Variants in OR1J4 observed in about 807,000 individuals in gnomAD.
OR1J4 encodes olfactory receptor family 1 subfamily J member 4.
For missense variants in OR1J4, 350 were observed against 371.1 expected (o/e 0.94, Z 0.47); for synonymous variants, 154 against 152.6 (o/e 1.01, Z -0.07).
chr9:122,519,608 CCT>C lies in OR1J4; in HGVS notation c.469_470del (p.Leu157ValfsTer14). On this transcript the variant is annotated frameshift_variant, in exon 1 of 1. Coordinates refer to ENST00000340750, the MANE Select transcript of OR1J4 (RefSeq NM_001004452.1). LOFTEE classifies it low-confidence loss of function (END_TRUNC). ...VSWILSCTNA[L>X]SHTLLLAQLS... ...CCTGGATCCTCTCCTGTACCAATGC[CCT>C]GTCTCACACTCTCCTCCTGGCCCAG... The C allele has an allele frequency of 6.2e-7, 1 of 1,614,042 alleles. No individual in the cohort carries two copies.
At position 122,519,593 on chromosome 9, in the gene OR1J4, C is replaced by G; in HGVS notation, c.453C>G (p.Leu151=). 6.2e-7 allele frequency: 1 copy of G among 1,614,114 alleles called. No homozygotes were observed. Among genetic ancestry groups the G allele is most frequent in the Non-Finnish European group, 8.5e-7 (1 of 1,180,008 alleles). Reference sequence around the variant, plus strand: ...TACTAGTCACTGTGTCCTGGATCCTCTCCTGTACCAATGCCCTGTCTCACA... The same window carrying G: ...TACTAGTCACTGTGTCCTGGATCCTGTCCTGTACCAATGCCCTGTCTCACA... The part of the protein sequence containing the change: ...CNLLVTVSWI[L]SCTNALSHTL... The change falls in exon 1 of 1, where the codon CTC becomes CTG. Residue 151 remains leucine (L), a synonymous_variant. Transcript: ENST00000340750.
In OR1J4 at chr9:122,519,268, T is replaced by G; in HGVS notation, c.128T>G (p.Leu43Arg). The G allele has an allele frequency of 6.2e-7, 1 of 1,614,008 alleles. No individual in the cohort carries two copies. The highest frequency in any genetic ancestry group is 1.1e-5 in the South Asian group (1 of 91,064). Residue 43 changes from leucine to arginine, a missense_variant, in exon 1 of 1, where the codon CTG (leucine) becomes CGG (arginine). Leu to Arg is a moderately radical substitution (Grantham distance 102, BLOSUM62 -2). Transcript: ENST00000340750. ...GMYLITVLGN[L>R]LIILLIRLDS... ...TACCTGATCACGGTGCTGGGGAACC[T>G]GCTCATCATCCTGCTCATCCGGCTG...
chr9:122,519,465 GA>G lies in OR1J4; in HGVS notation c.326del (p.Asp109ValfsTer2). Reference protein sequence around the residue: ...TQMYFFIFFTDLDNFLLTSMA... With the variant: ...TQMYFFIFFTXLDNFLLTSMA... ...GATGTATTTTTTCATATTTTTCACT[GA>G]TCTAGACAATTTCCTTCTCACTTCA... On this transcript the variant is annotated frameshift_variant, in exon 1 of 1. Coordinates refer to ENST00000340750, the MANE Select transcript of OR1J4 (RefSeq NM_001004452.1). LOFTEE classifies it low-confidence loss of function (END_TRUNC). The G allele has an allele frequency of 6.2e-7, 1 of 1,614,034 alleles. No individual in the cohort carries two copies. Among genetic ancestry groups the G allele is most frequent in the Non-Finnish European group, 8.5e-7 (1 of 1,180,006 alleles).
chr9:122,520,058 C>T lies in OR1J4; in HGVS notation c.918C>T (p.Asn306=), dbSNP rs199811884. ...DIKGALERLF[N]RATVLSQ is the part of the protein sequence containing the mutation. ...AGGGAGCCCTGGAGAGACTCTTCAA[C>T]AGGGCAACAGTCTTATCTCAATGAC... Residue 306 remains asparagine, a synonymous_variant, in exon 1 of 1, where the codon AAC becomes AAT. Coordinates refer to ENST00000340750, the MANE Select transcript of OR1J4 (RefSeq NM_001004452.1). The T allele has an allele frequency of 1.2e-5, 19 of 1,612,938 alleles. No homozygotes were observed. The Admixed American group carries it at 3.0e-4, about 25-fold the overall frequency.
Position 122,519,210 on chromosome 9 carries a change from C to T in OR1J4, c.70C>T (p.Gln24Ter), listed in dbSNP as rs953286770. Residue 24 changes from glutamine to a stop codon, truncating the protein, a stop_gained, in exon 1 of 1, where the codon CAG becomes TAG. Coordinates refer to ENST00000340750, the MANE Select transcript of OR1J4 (RefSeq NM_001004452.1). LOFTEE classifies it low-confidence loss of function (END_TRUNC). ...LLDLPIWPEQ[Q>*]AVFFTLFLGM... Reference sequence around the variant, plus strand: ...GGACCTCCCCATCTGGCCAGAGCAGCAGGCTGTGTTCTTCACCCTGTTCTT... The same window carrying T: ...GGACCTCCCCATCTGGCCAGAGCAGTAGGCTGTGTTCTTCACCCTGTTCTT... The T allele has an allele frequency of 1.2e-6, 2 of 1,614,112 alleles. No individual in the cohort carries two copies. Among genetic ancestry groups the T allele is most frequent in the Admixed American group, 3.3e-5 (2 of 60,024 alleles).
Position 122,519,300 on chromosome 9 carries a change from C to A in OR1J4, c.160C>A (p.His54Asn), listed in dbSNP as rs972110172. The change falls in exon 1 of 1, where the codon CAC becomes AAC. Residue 54 changes from histidine to asparagine, a missense_variant. Transcript: ENST00000340750. ...CATCCTGCTCATCCGGCTGGACTCTCACCTTCACACCCCCATGTTCTTCTT... is the reference window on the plus strand; with the variant it reads ...CATCCTGCTCATCCGGCTGGACTCTAACCTTCACACCCCCATGTTCTTCTT... ...LIILLIRLDS[H>N]LHTPMFFFLS... The A allele has an allele frequency of 6.2e-7, 1 of 1,613,984 alleles. No individual in the cohort carries two copies. Among genetic ancestry groups the A allele is most frequent in the Admixed American group, 1.7e-5 (1 of 59,996 alleles).
In OR1J4 at chr9:122,519,753, G is replaced by T. The variant is rs1318752819; in HGVS notation, c.613G>T (p.Ala205Ser). 1.2e-6 allele frequency: 2 copies of T among 1,613,976 alleles called. No individual in the cohort carries two copies. The highest frequency in any genetic ancestry group is 1.7e-6 in the Non-Finnish European group (2 of 1,180,012). ...GCTGGTCATTTTCACAGTGGGACAG[G>T]CAGTCATTACTCTACCACTAATATG... ...NELVIFTVGQAVITLPLICIL... is the reference protein window; with the variant it reads ...NELVIFTVGQSVITLPLICIL... The change falls in exon 1 of 1, where the codon GCA becomes TCA. Residue 205 changes from alanine (A) to serine (S), a missense_variant. Ala to Ser is a moderately conservative substitution (Grantham distance 99). Transcript: ENST00000340750.
chr9:122,520,004 C>G lies in OR1J4; in HGVS notation c.864C>G (p.Phe288Leu), dbSNP rs1246940187. ...YTVITPLLNP[F>L]IYSLRNRDIK... ...TGATCACCCCATTGCTGAATCCCTT[C>G]ATTTATAGCCTAAGGAACAGGGACA... Residue 288 changes from phenylalanine to leucine, a missense_variant, in exon 1 of 1, where the codon TTC becomes TTG. By Grantham distance (22) the Phe-to-Leu change is conservative (BLOSUM62 0). Coordinates refer to ENST00000340750, the MANE Select transcript of OR1J4 (RefSeq NM_001004452.1). 1 of 1,614,074 alleles carries G rather than the reference C, an allele frequency of 6.2e-7. No individual in the cohort carries two copies. The highest frequency in any genetic ancestry group is 1.3e-5 in the African/African-American group (1 of 74,946).
Position 122,519,722 on chromosome 9 carries a change from C to A in OR1J4, c.582C>A (p.Leu194=). ...LLKLSCSDIS[L]NELVIFTVGQ... is the part of the protein sequence containing the mutation. ...AGCTCTCATGCTCAGACATCTCCCT[C>A]AATGAGCTGGTCATTTTCACAGTGG... The change falls in exon 1 of 1, where the codon CTC becomes CTA. Residue 194 remains leucine (L), a synonymous_variant. Transcript: ENST00000340750. The A allele has an allele frequency of 6.2e-7, 1 of 1,614,102 alleles. No homozygotes were observed. Among genetic ancestry groups the A allele is most frequent in the Non-Finnish European group, 8.5e-7 (1 of 1,179,988 alleles).
In OR1J4 at chr9:122,519,952, A is replaced by G; in HGVS notation, c.812A>G (p.Asp271Gly). 1 of 1,614,122 alleles carries G rather than the reference A, an allele frequency of 6.2e-7. No homozygotes were observed. The highest frequency in any genetic ancestry group is 8.5e-7 in the Non-Finnish European group (1 of 1,180,024). The change falls in exon 1 of 1, where the codon GAC becomes GGC. Residue 271 changes from aspartate (D) to glycine (G), a missense_variant. Physicochemically the swap from Asp to Gly is moderately conservative, Grantham distance 94. Coordinates refer to ENST00000340750, the MANE Select transcript of OR1J4 (RefSeq NM_001004452.1). ...TCATCCAGTGCCTCCAGTGACAAGG[A>G]CGTAATTGCCTCTGTGATGTACACG... ...LPSSSASSDK[D>G]VIASVMYTVI... is the part of the protein sequence containing the mutation.
chr9:122,519,692 A>T lies in OR1J4; in HGVS notation c.552A>T (p.Leu184=). The T allele has an allele frequency of 6.2e-7, 1 of 1,613,880 alleles. No homozygotes were observed. The highest frequency in any genetic ancestry group is 1.1e-5 in the South Asian group (1 of 91,054). The change falls in exon 1 of 1, where the codon CTA becomes CTT. Residue 184 remains leucine (L), a synonymous_variant. Coordinates refer to ENST00000340750, the MANE Select transcript of OR1J4 (RefSeq NM_001004452.1). ...ATTTCTTCTGTGATCTTGTTGCCCTACTCAAGCTCTCATGCTCAGACATCT... is the reference window on the plus strand; with the variant it reads ...ATTTCTTCTGTGATCTTGTTGCCCTTCTCAAGCTCTCATGCTCAGACATCT... ...IPHFFCDLVA[L]LKLSCSDISL...
At position 122,519,411 on chromosome 9, in the gene OR1J4, T is replaced by C. The variant is rs763511628; in HGVS notation, c.271T>C (p.Ser91Pro). 7 of 1,614,090 alleles carry C rather than the reference T, an allele frequency of 4.3e-6. No individual in the cohort carries two copies. Among genetic ancestry groups the C allele is most frequent in the Non-Finnish European group, 5.1e-6 (6 of 1,180,044 alleles). ...MLLSMQTQDQ[S>P]ILYAGCVTQM... ...ATTAAGCATGCAAACTCAGGATCAA[T>C]CCATTCTTTATGCAGGGTGTGTAAC... Residue 91 changes from serine (S) to proline (P), a missense_variant, in exon 1 of 1, where the codon TCC becomes CCC. Physicochemically the swap from Ser to Pro is moderately conservative, Grantham distance 74. Transcript: ENST00000340750.
At position 122,519,796 on chromosome 9, in the gene OR1J4, G is replaced by A; in HGVS notation, c.656G>A (p.Gly219Asp). The A allele has an allele frequency of 1.2e-6, 2 of 1,614,114 alleles. No homozygotes were observed. Among genetic ancestry groups the A allele is most frequent in the South Asian group, 1.1e-5 (1 of 91,070 alleles). The change falls in exon 1 of 1, where the codon GGC (glycine) becomes GAC (aspartate). Residue 219 changes from glycine (G) to aspartate (D), a missense_variant. Gly to Asp is a moderately conservative substitution (Grantham distance 94, BLOSUM62 -1). Coordinates refer to ENST00000340750, the MANE Select transcript of OR1J4 (RefSeq NM_001004452.1). ...CTAATATGCATCTTGATCTCTTATG[G>A]CCACATTGGGGTCACCATCCTCAAG... Reference protein sequence around the residue: ...LPLICILISYGHIGVTILKAP... With the variant: ...LPLICILISYDHIGVTILKAP...
chr9:122,519,808 T>A lies in OR1J4; in HGVS notation c.668T>A (p.Val223Asp), dbSNP rs138944681. 1.1e-5 allele frequency: 17 copies of A among 1,614,064 alleles called. No homozygotes were observed. The highest frequency in any genetic ancestry group is 1.4e-5 in the Non-Finnish European group (17 of 1,180,044). ...CILISYGHIG[V>D]TILKAPSTKG... Reference sequence around the variant, plus strand: ...TTGATCTCTTATGGCCACATTGGGGTCACCATCCTCAAGGCTCCATCTACT... The same window carrying A: ...TTGATCTCTTATGGCCACATTGGGGACACCATCCTCAAGGCTCCATCTACT... Residue 223 changes from valine (V) to aspartate (D), a missense_variant, in exon 1 of 1, where the codon GTC (valine) becomes GAC (aspartate). Coordinates refer to ENST00000340750, the MANE Select transcript of OR1J4 (RefSeq NM_001004452.1).
Position 122,519,585 on chromosome 9 carries a change from T to G in OR1J4, c.445T>G (p.Trp149Gly). The change falls in exon 1 of 1, where the codon TGG (tryptophan) becomes GGG (glycine). Residue 149 changes from tryptophan to glycine, a missense_variant. Physicochemically the swap from Trp to Gly is radical, Grantham distance 184. Transcript: ENST00000340750. ...GTGTAACTTACTAGTCACTGTGTCC[T>G]GGATCCTCTCCTGTACCAATGCCCT... ...GLCNLLVTVS[W>G]ILSCTNALSH... 6.2e-7 allele frequency: 1 copy of G among 1,614,190 alleles called. No individual in the cohort carries two copies. The highest frequency in any genetic ancestry group is 8.5e-7 in the Non-Finnish European group (1 of 1,180,022).
At position 122,519,438 on chromosome 9, in the gene OR1J4, C is replaced by T. The variant is rs1828744353; in HGVS notation, c.298C>T (p.Gln100Ter). ...CATTCTTTATGCAGGGTGTGTAACT[C>T]AGATGTATTTTTTCATATTTTTCAC... ...QSILYAGCVT[Q>*]MYFFIFFTDL... Residue 100 changes from glutamine (Q) to a stop codon, truncating the protein, a stop_gained, in exon 1 of 1, where the codon CAG (glutamine) becomes TAG (stop). Transcript: ENST00000340750. LOFTEE classifies it low-confidence loss of function (END_TRUNC). 2.5e-6 allele frequency: 4 copies of T among 1,614,026 alleles called. No individual in the cohort carries two copies. The highest frequency in any genetic ancestry group is 3.4e-6 in the Non-Finnish European group (4 of 1,180,038).
In OR1J4 at chr9:122,519,924, C is replaced by G. The variant is rs762276144; in HGVS notation, c.784C>G (p.Pro262Ala). The G allele has an allele frequency of 4.3e-6, 7 of 1,614,138 alleles. No homozygotes were observed. The South Asian group carries it at 7.7e-5, about 18-fold the overall frequency. Residue 262 changes from proline to alanine, a missense_variant, in exon 1 of 1, where the codon CCC becomes GCC. Physicochemically the swap from Pro to Ala is conservative, Grantham distance 27 (BLOSUM62 -1). Coordinates refer to ENST00000340750, the MANE Select transcript of OR1J4 (RefSeq NM_001004452.1). ...CACAATTATTGGACTGTATTTTCTC[C>G]CCTCATCCAGTGCCTCCAGTGACAA... is the stretch of plus-strand genomic sequence containing the variant. ...YGTIIGLYFL[P>A]SSSASSDKDV...
At position 122,519,510 on chromosome 9, in the gene OR1J4, G is replaced by A. The variant is rs759858630; in HGVS notation, c.370G>A (p.Val124Met). 2 of 1,614,096 alleles carry A rather than the reference G, an allele frequency of 1.2e-6. No individual in the cohort carries two copies. The highest frequency in any genetic ancestry group is 8.5e-7 in the Non-Finnish European group (1 of 1,180,024). The stretch of plus-strand genomic sequence containing the variant: ...CACTTCAATGGCATACGATCGGTAT[G>A]TGGCCATCTGTCACCCCCTCCGCTA... ...LLTSMAYDRYVAICHPLRYTT... is the reference protein window; with the variant it reads ...LLTSMAYDRYMAICHPLRYTT... The change falls in exon 1 of 1, where the codon GTG becomes ATG. Residue 124 changes from valine (V) to methionine (M), a missense_variant. Transcript: ENST00000340750.
Position 122,519,831 on chromosome 9 carries a change from A to G in OR1J4, c.691A>G (p.Thr231Ala). ...IGVTILKAPS[T>A]KGIFKALSTC... is the part of the protein sequence containing the mutation. ...GGTCACCATCCTCAAGGCTCCATCT[A>G]CTAAGGGCATCTTCAAAGCTTTGTC... The change falls in exon 1 of 1, where the codon ACT becomes GCT. Residue 231 changes from threonine to alanine, a missense_variant. Physicochemically the swap from Thr to Ala is moderately conservative, Grantham distance 58. Transcript: ENST00000340750. 1 of 1,614,036 alleles carries G rather than the reference A, an allele frequency of 6.2e-7. No individual in the cohort carries two copies. The highest frequency in any genetic ancestry group is 8.5e-7 in the Non-Finnish European group (1 of 1,180,002).
Sources: gnomAD v4.1 joint callset for allele counts on GRCh38, gnomAD v4.1.1 for gene constraint, MANE v1.5 for transcripts, NCBI Gene and HGNC (gene_info 2026-07-23, HGNC 2026-07-21) for gene names.